The following SH3RF3 variants were observed in gnomAD, a reference collection of about 807,000 sequenced individuals.
SH3RF3 encodes the protein SH3 domain containing ring finger 3.
In SH3RF3, 29 loss-of-function variants were observed where a neutral mutation model predicts 66.3. The ratio of observed to expected loss-of-function variants is 0.44; its 90% CI spans 0.33 to 0.60. The LOEUF (loss-of-function observed/expected upper bound fraction) is 0.60. Among genes scored for constraint, SH3RF3 ranks in the 20% least tolerant of loss-of-function variants. The pLI is 0.04. For missense variants in SH3RF3, 1,194 were observed against 1,190.9 expected (o/e 1.00, Z -0.04); for synonymous variants, 583 against 532.0 (o/e 1.10, Z -1.32).
chr2:109,409,991 G>T (rs901051819), intron 4 of SH3RF3, among the ~76,000 whole-genome samples: 1 of 152,148 alleles, frequency 6.6e-6, no homozygotes, highest in Admixed American at 6.5e-5. Flanking sequence ...TAGTGTCAAA[G>T]AAAGAGACTC....
intron 1 of SH3RF3, among the ~76,000 whole-genome samples, chr2:109,280,171 A>G (rs1343334649): frequency 1.3e-5 from 2 of 152,156 alleles, no homozygotes. Context: ...GCTGACATCT[A>G]TAATTAATGT....
intron 9 of SH3RF3, among the ~76,000 whole-genome samples, chr2:109,497,157 C>T (rs550723366): frequency 9.8e-5 from 15 of 152,288 alleles, no homozygotes; most frequent in African/African-American, 3.4e-4. Flanking sequence ...TATGGTCATT[C>T]GTTATAGCCA....
chr2:109,483,203 G>C (rs367857436), intron 8 of SH3RF3, among the ~76,000 whole-genome samples: 1 of 152,014 alleles, frequency 6.6e-6, no homozygotes, highest in Admixed American at 6.5e-5. Flanking sequence ...CCCCATCTCC[G>C]ACAGGAAAAT....
At chr2:109,328,784 C>T (rs7597214) in intron 1 of SH3RF3, among the ~76,000 whole-genome samples, 43,633 of 152,052 alleles carry the variant, frequency 0.29, 8,463 homozygotes, top group African/African-American at 0.55. Context: ...TGGTTCATGA[C>T]CACTTTGGTG....
chr2:109,365,823 C>T (rs1394399466), intron 2 of SH3RF3, among the ~76,000 whole-genome samples: 1 of 152,176 alleles, frequency 6.6e-6, no homozygotes, highest in Non-Finnish European at 1.5e-5. Context: ...ATCCTGCCAT[C>T]GCAGGTATCC....
At chr2:109,497,364 A>G (rs775915915) in intron 9 of SH3RF3, among the ~76,000 whole-genome samples, 18 of 152,184 alleles carry the variant, frequency 1.2e-4, no homozygotes, top group Non-Finnish European at 2.4e-4. Flanking sequence ...CTCTGTTGTC[A>G]GGGAGGGAAG....
chr2:109,413,168 G>T (rs999544006), intron 4 of SH3RF3, among the ~76,000 whole-genome samples: 8 of 152,212 alleles, frequency 5.3e-5, no homozygotes, highest in Non-Finnish European at 1.0e-4. Flanking sequence ...AGGCTGGAGT[G>T]CAGTGGCGTG....
intron 7 of SH3RF3, among the ~76,000 whole-genome samples, chr2:109,447,669 C>T (rs930331074): frequency 2.6e-5 from 4 of 152,034 alleles, no homozygotes; most frequent in Non-Finnish European, 4.4e-5. Context: ...CCCCTGGGGC[C>T]GTTCATTCTC....
At chr2:109,335,161 G>A (rs528898865) in intron 1 of SH3RF3, among the ~76,000 whole-genome samples, 27 of 152,320 alleles carry the variant, frequency 1.8e-4, no homozygotes, top group Admixed American at 1.2e-3. Flanking sequence ...AGCATCCTGG[G>A]GTGTTACCTG....
intron 8 of SH3RF3, among the ~76,000 whole-genome samples, chr2:109,472,058 T>C (rs1207066368): frequency 2.0e-5 from 3 of 152,250 alleles, no homozygotes; most frequent in Non-Finnish European, 4.4e-5. Context: ...TTCTGACATC[T>C]CAGCTTCTTT....
chr2:109,384,288 A>G (rs1675767193), intron 3 of SH3RF3, among the ~76,000 whole-genome samples: 1 of 152,184 alleles, frequency 6.6e-6, no homozygotes, highest in African/African-American at 2.4e-5. Context: ...AAGAAAAGCA[A>G]GTCTGGAGGG....
intron 8 of SH3RF3, among the ~76,000 whole-genome samples, chr2:109,457,687 A>G (rs2104669790): frequency 6.6e-6 from 1 of 152,344 alleles, no homozygotes; most frequent in African/African-American, 2.4e-5. Flanking sequence ...GCAAAATTCT[A>G]CTGCTGTGAC....
intron 3 of SH3RF3, among the ~76,000 whole-genome samples, chr2:109,387,563 C>G (rs777612582): frequency 6.6e-6 from 1 of 152,196 alleles, no homozygotes; most frequent in Non-Finnish European, 1.5e-5. Context: ...GGGGCCAGCT[C>G]CCTCCCACAT....
chr2:109,412,112 T>G (rs1193257826), intron 4 of SH3RF3, among the ~76,000 whole-genome samples: 1 of 152,226 alleles, frequency 6.6e-6, no homozygotes, highest in Non-Finnish European at 1.5e-5. Flanking sequence ...CGCAGGGCAG[T>G]CGGTGGATGC....
chr2:109,435,686 G>A lies in SH3RF3; in HGVS notation c.1575-1207G>A, dbSNP rs536531522. Among the ~76,000 whole-genome samples the A allele has an allele frequency of 1.8e-4, 27 of 152,352 alleles. No individual in the cohort carries two copies. The South Asian group carries it at 4.3e-3, about 25-fold the overall frequency. ...TTTTCTGCTGTCATGAGAGGCAGAT[G>A]TGTGTCTGTATCTGTTGTGTTCAGA... On this transcript the variant is annotated intron_variant, in intron 6 of 9. Coordinates refer to ENST00000309415, the MANE Select transcript of SH3RF3 (RefSeq NM_001099289.3).
chr2:109,432,728 A>G, intron 6 of SH3RF3, 57 bp downstream of exon 6: 1 of 1,554,604 alleles, frequency 6.4e-7, no homozygotes, highest in Non-Finnish European at 8.7e-7. Flanking sequence ...TGCACGCCTT[A>G]CCGCTGTTGT....
intron 1 of SH3RF3, among the ~76,000 whole-genome samples, chr2:109,266,665 CA>C (rs1353045480): frequency 6.6e-6 from 1 of 151,874 alleles, no homozygotes; most frequent in East Asian, 1.9e-4. Flanking sequence ...AAGGGCAGCT[CA>C]GGAGCCAGTG....
chr2:109,323,120 GCATATGC>G, intron 1 of SH3RF3, among the ~76,000 whole-genome samples: 2 of 152,194 alleles, frequency 1.3e-5, no homozygotes. Context: ...CGGGCTCCCA[GCATATGC>G]TCCAGAGAGA....
At chr2:109,132,349 T>G (rs1676719395) in intron 1 of SH3RF3, among the ~76,000 whole-genome samples, 1 of 152,192 alleles carries the variant, frequency 6.6e-6, no homozygotes, top group Admixed American at 6.5e-5. Flanking sequence ...TAAAAAAAAG[T>G]TTTAATTTCT....
Sources: allele counts gnomAD v4.1 joint callset (sites outside exome capture counted in the v4.1 genomes callset), GRCh38; gene constraint gnomAD v4.1.1; transcripts MANE v1.5; gene names NCBI Gene and HGNC (gene_info 2026-07-23, HGNC 2026-07-21).